Variants in PROM2 observed in about 807,000 individuals in gnomAD.
PROM2 encodes the protein prominin 2.
Under a neutral mutation model 110.2 loss-of-function variants are expected in PROM2, and 90 were observed. The ratio of observed to expected loss-of-function variants is 0.82; its 90% confidence interval spans 0.69 to 0.97. The LOEUF is 0.97. PROM2 is among the 50% of genes least tolerant of loss of function. The pLI is 0.00. For synonymous variants in PROM2, 470 were observed against 467.8 expected, an observed-to-expected ratio of 1.00 and a Z score of -0.06; for missense variants, 1,009 against 1,074.8, an observed-to-expected ratio of 0.94 and a Z score of 0.86.
chr2:95,288,723 C>T (rs1677528232), intron 22 of PROM2, 134 bp downstream of exon 22: 2 of 839,002 alleles, frequency 2.4e-6, no homozygotes, highest in South Asian at 1.7e-5. Context: ...TGAAGAGCCA[C>T]ACTCTGAGGA....
chr2:95,287,241 G>A (rs1677416653), intron 19 of PROM2, 28 bp downstream of exon 19: 1 of 1,606,050 alleles, frequency 6.2e-7, no homozygotes, highest in Non-Finnish European at 8.5e-7. Flanking sequence ...CAGGGAAGGG[G>A]CTTCCACCCC....
rs747245761 is a variant in PROM2 at position 95,274,640 on chromosome 2, G to T, written c.55G>T (p.Ala19Ser). Residue 19 changes from alanine (A) to serine (S), a missense_variant, in exon 1 of 24, where the codon GCC becomes TCC. Ala to Ser is a moderately conservative substitution (Grantham distance 99). Coordinates refer to ENST00000317620, the MANE Select transcript of PROM2 (RefSeq NM_001165978.3). Reference sequence around the variant, plus strand: ...CCTGCTGGGCCTGGGCCTGGGGCTGGCCCTGAGTCAGCTGGCTGCAGGGGC... The same window carrying T: ...CCTGCTGGGCCTGGGCCTGGGGCTGTCCCTGAGTCAGCTGGCTGCAGGGGC... The part of the protein sequence containing the change: ...APLLGLGLGL[A>S]LSQLAAGATD... 2 of 1,609,504 alleles carry T rather than the reference G, an allele frequency of 1.2e-6. No homozygotes were observed. The highest frequency in any genetic ancestry group is 3.3e-5 in the Admixed American group (2 of 59,902).
chr2:95,278,131 G>A, intron 8 of PROM2, 127 bp downstream of exon 8: 1 of 742,638 alleles, frequency 1.3e-6, no homozygotes. Context: ...AGCACCCTGG[G>A]CAGGGGACTC....
Position 95,286,625 on chromosome 2 carries a change from G to T in PROM2, c.2040+54G>T, listed in dbSNP as rs1428645894. On this transcript the variant is annotated intron_variant, in intron 17 of 23. Coordinates refer to ENST00000317620, the MANE Select transcript of PROM2 (RefSeq NM_001165978.3). ...GCCTGGGGGAGGGGAGACGTGGAGA[G>T]GGGACAGTGAAAGGGGAGGGAAGTT... 5.9e-6 allele frequency: 9 copies of T among 1,514,400 alleles called. No individual in the cohort carries two copies. In the African/African-American group the frequency reaches 1.2e-4, roughly 21 times the overall value. 93.8% of individuals were successfully genotyped at this position (1,514,400 alleles called of 1,614,324 possible). A position where few individuals can be genotyped will look rare whatever the true frequency, so the allele number is the denominator to read the frequency against.
At chr2:95,283,532 C>T (rs974227167) in intron 14 of PROM2, among the ~76,000 whole-genome samples, 7 of 152,306 alleles carry the variant, frequency 4.6e-5, no homozygotes, top group African/African-American at 1.4e-4. Context: ...AGACACGGCC[C>T]GAAGGCCCCC....
chr2:95,286,449 G>A (rs760189599), intron 16 of PROM2, 30 bp from the exon 17 acceptor site: 12 of 1,598,820 alleles, frequency 7.5e-6, no homozygotes, highest in Middle Eastern at 1.8e-4. Flanking sequence ...GGTCCTGGGC[G>A]GGGCCGTTCT....
chr2:95,276,846 C>T lies in PROM2; in HGVS notation c.683-126C>T. The T allele has an allele frequency of 8.7e-7, 1 of 1,148,518 alleles. No individual in the cohort carries two copies. Among genetic ancestry groups the T allele is most frequent in the Non-Finnish European group, 1.3e-6 (1 of 795,312 alleles). 71.1% of individuals were successfully genotyped at this position (1,148,518 alleles called of 1,614,324 possible). On this transcript the variant is annotated intron_variant, in intron 5 of 23. Coordinates refer to ENST00000317620, the MANE Select transcript of PROM2 (RefSeq NM_001165978.3). This position sits in a 1 kb window ranked among gnomAD's most constrained non-coding sequence, Gnocchi z 4.6. ...GCTGGAGGAAGAAGCCGTGTCCCCG[C>T]TCCTTCACTCCCCTCCACCCCCCGG...
intron 17 of PROM2, 66 bp downstream of exon 17, chr2:95,286,637 A>T: frequency 2.1e-6 from 3 of 1,436,940 alleles, no homozygotes; most frequent in Non-Finnish European, 1.9e-6. Context: ...GGACAGTGAA[A>T]GGGGAGGGAA....
Position 95,275,609 on chromosome 2 carries a change from G to A in PROM2, c.294+99G>A. The A allele has an allele frequency of 6.8e-7, 1 of 1,471,472 alleles. No individual in the cohort carries two copies. The highest frequency in any genetic ancestry group is 9.3e-7 in the Non-Finnish European group (1 of 1,076,652). The allele number at this position is 1,471,472 out of a possible 1,614,324, so 91.2% of individuals were successfully genotyped here. On this transcript the variant is annotated intron_variant, in intron 2 of 23. Transcript: ENST00000317620. This position sits in a 1 kb window ranked among gnomAD's most constrained non-coding sequence, Gnocchi z 4.4. ...GGCTCCCCTTAGCCCACCTCGCTGG[G>A]TGTCCACTAGGCAGGGGCTCAGGCA... is the stretch of plus-strand genomic sequence containing the variant.
Position 95,278,780 on chromosome 2 carries a change from G to A in PROM2, c.1110G>A (p.Val370=), listed in dbSNP as rs1222031629. Residue 370 remains valine, a synonymous_variant, in exon 9 of 24, where the codon GTG becomes GTA. Coordinates refer to ENST00000317620, the MANE Select transcript of PROM2 (RefSeq NM_001165978.3). ...CTGCCATGCAGACATCCAGCGTGGTGCAAGGTTAGGCCACACGGGTCAGAG... is the reference window on the plus strand; with the variant it reads ...CTGCCATGCAGACATCCAGCGTGGTACAAGGTTAGGCCACACGGGTCAGAG... ...ALAAMQTSSV[V]QELKKAVAQQ... is the part of the protein sequence containing the mutation. 6.2e-7 allele frequency: 1 copy of A among 1,613,970 alleles called. No homozygotes were observed.
At chr2:95,285,248 T>G in intron 15 of PROM2, 133 bp downstream of exon 15, 1 of 1,090,634 alleles carries the variant, frequency 9.2e-7, no homozygotes, top group Non-Finnish European at 1.3e-6. Flanking sequence ...CCTCTTCCTG[T>G]GGAGGTGTCC....
At chr2:95,284,652 A>G (rs1677239379) in intron 14 of PROM2, among the ~76,000 whole-genome samples, 1 of 152,254 alleles carries the variant, frequency 6.6e-6, no homozygotes, top group Non-Finnish European at 1.5e-5. Context: ...GAGCCAGCAC[A>G]TCACATAGGG....
At chr2:95,277,874 G>A in intron 7 of PROM2, 56 bp from the exon 8 acceptor site, 1 of 1,476,248 alleles carries the variant, frequency 6.8e-7, no homozygotes, top group Non-Finnish European at 9.4e-7. Context: ...CACCCTCAGG[G>A]ATCCCCTTCA....
At chr2:95,284,075 C>T (rs1269457610) in intron 14 of PROM2, among the ~76,000 whole-genome samples, 1 of 152,210 alleles carries the variant, frequency 6.6e-6, no homozygotes, top group Non-Finnish European at 1.5e-5. Flanking sequence ...CAGATGGGCA[C>T]TGGAGGAAGG....
chr2:95,274,450 G>A lies in PROM2; in HGVS notation c.-136G>A. ...GGCAGGCAGGGAGGCGGGAGGCCAG[G>A]TAGCTCAGGAACCCAAACCTGTCGG... is the stretch of plus-strand genomic sequence containing the variant. On this transcript the variant is annotated 5_prime_UTR_variant, in exon 1 of 24. Transcript: ENST00000317620. 8.5e-7 allele frequency: 1 copy of A among 1,176,288 alleles called. No individual in the cohort carries two copies. Among genetic ancestry groups the A allele is most frequent in the Non-Finnish European group, 1.1e-6 (1 of 878,764 alleles). 72.9% of individuals were successfully genotyped at this position (1,176,288 alleles called of 1,614,324 possible). A position where few individuals can be genotyped will look rare whatever the true frequency, so the allele number is the denominator to read the frequency against.
Position 95,276,026 on chromosome 2 carries a change from C to T in PROM2, c.391C>T (p.Arg131Cys), listed in dbSNP as rs768118946. 5.0e-6 allele frequency: 8 copies of T among 1,611,478 alleles called. No individual in the cohort carries two copies. Among genetic ancestry groups the T allele is most frequent in the South Asian group, 3.3e-5 (3 of 91,074 alleles). Reference protein sequence around the residue: ...PTAGLCFCCCRCHRRCGGRVK... With the variant: ...PTAGLCFCCCCCHRRCGGRVK... Reference sequence around the variant, plus strand: ...TGCCGGGCTTTGCTTCTGCTGCTGCCGCTGCCACCGGCGCTGCGGGGGACG... The same window carrying T: ...TGCCGGGCTTTGCTTCTGCTGCTGCTGCTGCCACCGGCGCTGCGGGGGACG... Residue 131 changes from arginine (R) to cysteine (C), a missense_variant, in exon 3 of 24, where the codon CGC (arginine) becomes TGC (cysteine). Arg to Cys is a radical substitution (Grantham distance 180). Coordinates refer to ENST00000317620, the MANE Select transcript of PROM2 (RefSeq NM_001165978.3). This position sits in a 1 kb window ranked among gnomAD's most constrained non-coding sequence, Gnocchi z 4.6.
chr2:95,282,156 G>T lies in PROM2; in HGVS notation c.1658G>T (p.Gly553Val), dbSNP rs766135792. ...CTCCTCCTCAGGCAGTGCAAGGAAG[G>T]GGCAGCGCTCTGGACAGTCCTGCAG... Reference protein sequence around the residue: ...IHQAYQQCKEGAALWTVLQLN... With the variant: ...IHQAYQQCKEVAALWTVLQLN... Residue 553 changes from glycine to valine, a missense_variant, in exon 14 of 24, where the codon GGG (glycine) becomes GTG (valine). Transcript: ENST00000317620. The T allele has an allele frequency of 2.5e-6, 4 of 1,613,850 alleles. No homozygotes were observed. In the African/African-American group the frequency reaches 5.3e-5, roughly 22 times the overall value.
chr2:95,276,866 C>T lies in PROM2; in HGVS notation c.683-106C>T, dbSNP rs1168706778. 7.9e-7 allele frequency: 1 copy of T among 1,271,210 alleles called. No individual in the cohort carries two copies. The highest frequency in any genetic ancestry group is 1.5e-5 in the African/African-American group (1 of 67,388). 78.7% of individuals were successfully genotyped at this position (1,271,210 alleles called of 1,614,324 possible). On this transcript the variant is annotated intron_variant, in intron 5 of 23. Coordinates refer to ENST00000317620, the MANE Select transcript of PROM2 (RefSeq NM_001165978.3). This position sits in a 1 kb window ranked among gnomAD's most constrained non-coding sequence, Gnocchi z 4.6. ...CCCCGCTCCTTCACTCCCCTCCACC[C>T]CCCGGCTCCTGCAGAGCCCGGTGGG... is the stretch of plus-strand genomic sequence containing the variant.
At chr2:95,288,827 C>G in intron 22 of PROM2, 106 bp from the exon 23 acceptor site, 2 of 1,196,956 alleles carry the variant, frequency 1.7e-6, no homozygotes, top group Middle Eastern at 4.0e-4. Flanking sequence ...TCCCATCCCC[C>G]ACAGGGCTTC....
Sources: allele counts gnomAD v4.1 joint callset (sites outside exome capture counted in the v4.1 genomes callset), GRCh38; gene constraint gnomAD v4.1.1; non-coding constraint Gnocchi (gnomAD v3.1); transcripts MANE v1.5; gene names NCBI Gene and HGNC (gene_info 2026-07-23, HGNC 2026-07-21).